The following WASHC4 variants were observed in gnomAD, a reference collection of about 807,000 sequenced individuals.
The protein encoded by WASHC4 is WASH complex subunit 7.
Under a neutral mutation model 166.6 loss-of-function variants are expected in WASHC4, and 86 were observed. That is an observed-to-expected ratio of 0.52 (90% confidence interval 0.43 to 0.62). WASHC4 has a LOEUF of 0.62. Among genes scored for constraint, WASHC4 ranks in the 20% least tolerant of loss-of-function variants. WASHC4 has a pLI of 0.00. For synonymous variants in WASHC4, 446 were observed against 451.6 expected (o/e 0.99, Z 0.16); for missense variants, 1,262 against 1,382.4 (o/e 0.91, Z 1.38).
intron 1 of WASHC4, 109 bp downstream of exon 1, chr12:105,107,970 C>A: frequency 1.2e-6 from 1 of 828,822 alleles, no homozygotes; most frequent in Non-Finnish European, 2.0e-6. Context: ...CCGTCTGGTG[C>A]GGGACACTTC....
chr12:105,141,892 T>G (rs1426574115), intron 18 of WASHC4, among the ~76,000 whole-genome samples: 1 of 152,062 alleles, frequency 6.6e-6, no homozygotes, highest in Non-Finnish European at 1.5e-5. Flanking sequence ...GGAAGAAATA[T>G]TGAGCCTTTT....
intron 24 of WASHC4, chr12:105,149,202 A>T (rs979060186): frequency 1.0e-6 from 1 of 985,236 alleles, no homozygotes; most frequent in Non-Finnish European, 1.2e-6. Flanking sequence ...AGAGAACACC[A>T]TGTTTCTTAC....
intron 21 of WASHC4, 32 bp from the exon 22 acceptor site, chr12:105,144,686 G>A (rs1268023666): frequency 6.3e-7 from 1 of 1,584,438 alleles, no homozygotes; most frequent in African/African-American, 1.4e-5. Context: ...CTTTTCTACT[G>A]TTTCACAAGT....
At position 105,144,735 on chromosome 12, in the gene WASHC4, C is replaced by A. The variant is rs1333089649; in HGVS notation, c.2197C>A (p.Leu733Ile). 6.2e-7 allele frequency: 1 copy of A among 1,611,964 alleles called. No homozygotes were observed. The highest frequency in any genetic ancestry group is 2.2e-5 in the East Asian group (1 of 44,794). Residue 733 changes from leucine (L) to isoleucine (I), a missense_variant, in exon 22 of 33, where the codon CTA (leucine) becomes ATA (isoleucine). Transcript: ENST00000332180. The part of the protein sequence containing the change: ...IDIRAYVTHY[L>I]DKTFYNLTTV... ...TTTGGTAGCTTACGTAACTCACTAC[C>A]TAGACAAGACTTTCTACAATCTAAC...
chr12:105,121,048 G>A (rs774149201), intron 8 of WASHC4, 53 bp from the exon 9 acceptor site: 25 of 1,192,554 alleles, frequency 2.1e-5, no homozygotes, highest in South Asian at 1.8e-4. Context: ...GTCTACATGA[G>A]GCTTAACTTC....
At position 105,115,719 on chromosome 12, in the gene WASHC4, A is replaced by G. The variant is rs775081464; in HGVS notation, c.426A>G (p.Ser142=). 2.5e-6 allele frequency: 4 copies of G among 1,600,060 alleles called. No individual in the cohort carries two copies. The highest frequency in any genetic ancestry group is 3.4e-6 in the Non-Finnish European group (4 of 1,167,356). ...AAATTCAAATGGGGAGATTTATTTC[A>G]TTCTTACAGGTAACTGATTTTTACT... ...DCQIQMGRFI[S]FLQELSCFVT... Residue 142 remains serine, a synonymous_variant, in exon 6 of 33, where the codon TCA becomes TCG. Coordinates refer to ENST00000332180, the MANE Select transcript of WASHC4 (RefSeq NM_015275.3).
At position 105,140,162 on chromosome 12, in the gene WASHC4, C is replaced by T. The variant is rs12309370; in HGVS notation, c.1453-132C>T. 0.014 allele frequency: 9,782 copies of T among 708,774 alleles called. 676 individuals are homozygous for T. The African/African-American group carries it at 0.15, about 11-fold the overall frequency. The allele number at this position is 708,774 out of a possible 1,614,324, so 43.9% of individuals were successfully genotyped here. ...CTGGGATTACAGGCGTGAGCCACCA[C>T]GCCAGGACTGTAAGGTTTTTTTGTA... On this transcript the variant is annotated intron_variant, in intron 15 of 32. Transcript: ENST00000332180.
Position 105,127,301 on chromosome 12 carries a change from A to G in WASHC4, c.1199+12A>G. 1 of 1,535,408 alleles carries G rather than the reference A, an allele frequency of 6.5e-7. No individual in the cohort carries two copies. On this transcript the variant is annotated intron_variant, in intron 13 of 32. Coordinates refer to ENST00000332180, the MANE Select transcript of WASHC4 (RefSeq NM_015275.3). ...CAATCACTTACCAAGTAGGTTTTAT[A>G]AACAAGTATAATGAAAATATTTAGA...
intron 15 of WASHC4, among the ~76,000 whole-genome samples, chr12:105,139,425 G>GTGTATATATATATATATATATA: frequency 1.9e-5 from 2 of 103,226 alleles, no homozygotes; most frequent in Non-Finnish European, 3.9e-5. Flanking sequence ...ATGTGTGTGT[G>GTGTATATATATATATATATATA]TATATATATA....
intron 17 of WASHC4, 57 bp downstream of exon 17, chr12:105,141,102 C>G: frequency 6.2e-7 from 1 of 1,610,056 alleles, no homozygotes; most frequent in Non-Finnish European, 8.5e-7. Context: ...TTCACAGTTC[C>G]CTTGTTACTG....
intron 24 of WASHC4, chr12:105,147,395 ATATT>A: frequency 2.0e-6 from 1 of 502,644 alleles, no homozygotes; most frequent in Non-Finnish European, 3.6e-6. Context: ...ATAGTGCTAG[ATATT>A]TGAGGACATC....
intron 23 of WASHC4, 25 bp from the exon 24 acceptor site, chr12:105,147,017 T>C (rs1883351916): frequency 7.5e-7 from 1 of 1,334,322 alleles, no homozygotes. Flanking sequence ...GCGTTGTTAC[T>C]GAGCATAAAT....
chr12:105,156,279 C>T (rs553799068), intron 26 of WASHC4, among the ~76,000 whole-genome samples: 3 of 152,038 alleles, frequency 2.0e-5, no homozygotes, highest in South Asian at 2.1e-4. Context: ...GTGTAGGCAT[C>T]GGATAAAAAA....
chr12:105,153,101 G>C (rs1883896118), intron 26 of WASHC4, among the ~76,000 whole-genome samples: 1 of 152,194 alleles, frequency 6.6e-6, no homozygotes, highest in Admixed American at 6.5e-5. Context: ...AGTAAGTCAT[G>C]TTTCTGGGAC....
chr12:105,115,071 T>A lies in WASHC4; in HGVS notation c.322-113T>A, dbSNP rs894054615. 3.1e-5 allele frequency: 19 copies of A among 620,186 alleles called. No individual in the cohort carries two copies. The African/African-American group carries it at 3.6e-4, about 12-fold the overall frequency. 38.4% of individuals were successfully genotyped at this position (620,186 alleles called of 1,614,324 possible). On this transcript the variant is annotated intron_variant, in intron 4 of 32. Transcript: ENST00000332180. ...CAGATTTTGAATTTAAATGAATTTG[T>A]ATGCAAATGATGTAGCCCTCTGTTT...
Position 105,126,307 on chromosome 12 carries a change from T to C in WASHC4, c.983T>C (p.Ile328Thr), listed in dbSNP as rs1881275849. The change falls in exon 12 of 33, where the codon ATT becomes ACT. Residue 328 changes from isoleucine to threonine, a missense_variant. Physicochemically the swap from Ile to Thr is moderately conservative, Grantham distance 89. Coordinates refer to ENST00000332180, the MANE Select transcript of WASHC4 (RefSeq NM_015275.3). ...ICGLFVLHFQ[I>T]FRTIDKKFYK... is the part of the protein sequence containing the mutation. ...GGACTCTTTGTATTGCACTTTCAGA[T>C]TTTTCGAACTATTGATAAAAAGTTT... The C allele has an allele frequency of 1.9e-6, 3 of 1,605,396 alleles. No homozygotes were observed. The highest frequency in any genetic ancestry group is 2.6e-6 in the Non-Finnish European group (3 of 1,172,808).
At chr12:105,160,220 G>T (rs1180885567) in intron 29 of WASHC4, 72 bp downstream of exon 29, 1 of 1,316,852 alleles carries the variant, frequency 7.6e-7, no homozygotes, top group African/African-American at 1.5e-5. Flanking sequence ...TGGTTTCTTT[G>T]TAACACGAAA....
chr12:105,159,555 G>C (rs533566932), intron 28 of WASHC4, among the ~76,000 whole-genome samples: 1 of 152,282 alleles, frequency 6.6e-6, no homozygotes, highest in Admixed American at 6.5e-5. Context: ...ATTGAAAGTG[G>C]TAGTAGCTGT....
chr12:105,163,986 G>GTAAAAA, intron 30 of WASHC4, 125 bp from the exon 31 acceptor site: 1 of 857,030 alleles, frequency 1.2e-6, no homozygotes, highest in East Asian at 2.6e-5. Flanking sequence ...AACTTGAAAC[G>GTAAAAA]GGACAAACTT....
Sources: allele counts gnomAD v4.1 joint callset (sites outside exome capture counted in the v4.1 genomes callset), GRCh38; gene constraint gnomAD v4.1.1; transcripts MANE v1.5; gene names NCBI Gene and HGNC (gene_info 2026-07-23, HGNC 2026-07-21).